The following DEFB4A variants were observed in gnomAD, a reference collection of about 807,000 sequenced individuals.
DEFB4A encodes beta defensin-2.
Position 7,895,104 on chromosome 8 carries a change from T to C in DEFB4A, c.58+334T>C, listed in dbSNP as rs1455014159. On this transcript the variant is annotated intron_variant, in intron 1 of 1. Coordinates refer to ENST00000302247, the MANE Select transcript of DEFB4A (RefSeq NM_004942.4). ...ATAGAAAAGGAGTTTGAGAACCCAA[T>C]GGACAACTCACTCGTTCTTCTAAGC... Among the ~76,000 whole-genome samples, 2 of 101,884 alleles carry C rather than the reference T, an allele frequency of 2.0e-5. 1 individual carries two copies. Among genetic ancestry groups the C allele is most frequent in the Non-Finnish European group, 4.2e-5 (2 of 47,626 alleles). 66.8% of individuals were successfully genotyped at this position (101,884 alleles called of 152,430 possible). A position where few individuals can be genotyped will look rare whatever the true frequency, so the allele number is the denominator to read the frequency against.
rs368974739 is a variant in DEFB4A at position 7,895,987 on chromosome 8, T to C, written c.59-487T>C. Among the ~76,000 whole-genome samples, 63 of 104,184 alleles carry C rather than the reference T, an allele frequency of 6.0e-4. 22 individuals are homozygous for C. The highest frequency in any genetic ancestry group is 4.3e-3 in the East Asian group (11 of 2,576). 68.3% of individuals were successfully genotyped at this position (104,184 alleles called of 152,430 possible). ...TGGTTTTCAACTGTAAGTTACTTGGTGTTAATTTCCTATTAAACAATTTCA... is the reference window on the plus strand; with the variant it reads ...TGGTTTTCAACTGTAAGTTACTTGGCGTTAATTTCCTATTAAACAATTTCA... On this transcript the variant is annotated intron_variant, in intron 1 of 1. Transcript: ENST00000302247.
Position 7,896,034 on chromosome 8 carries a change from C to T in DEFB4A, c.59-440C>T, listed in dbSNP as rs1585734766. Among the ~76,000 whole-genome samples, 2 of 103,038 alleles carry T rather than the reference C, an allele frequency of 1.9e-5. 1 individual carries two copies. Among genetic ancestry groups the T allele is most frequent in the East Asian group, 7.7e-4 (2 of 2,590 alleles). The allele number at this position is 103,038 out of a possible 152,430, so 67.6% of individuals were successfully genotyped here. On this transcript the variant is annotated intron_variant, in intron 1 of 1. Transcript: ENST00000302247. ...TTCAGTAAGTTGCATCTTTTTTATC[C>T]CATCTCAGATCAAATACTTAACAGA...
chr8:7,895,813 G>GGGAGGGAAGGAGGGAA (rs1818997157), intron 1 of DEFB4A, among the ~76,000 whole-genome samples: 1 of 42,916 alleles, frequency 2.3e-5, no homozygotes, highest in South Asian at 1.4e-3. Flanking sequence ...GGGGGAGGGA[G>GGGAGGGAAGGAGGGAA]GGAGGGAGGG....
rs576616631 is a variant in DEFB4A at position 7,896,167 on chromosome 8, G to A, written c.59-307G>A. ...GGTGGAGCTGAATTCACAAGAGATC[G>A]TTGCTGAGCTCCTGCCAGACCCCAC... On this transcript the variant is annotated intron_variant, in intron 1 of 1. Transcript: ENST00000302247. Among the ~76,000 whole-genome samples the A allele has an allele frequency of 7.0e-3, 708 of 101,866 alleles. 215 individuals carry two copies. Among genetic ancestry groups the A allele is most frequent in the Admixed American group, 8.1e-3 (84 of 10,428 alleles). 66.8% of individuals were successfully genotyped at this position (101,866 alleles called of 152,430 possible).
intron 1 of DEFB4A, among the ~76,000 whole-genome samples, chr8:7,895,242 A>G (rs1195370105): frequency 9.8e-6 from 1 of 101,868 alleles, no homozygotes; most frequent in Non-Finnish European, 2.1e-5. Context: ...TAAAAGGCAG[A>G]AATTTTGATT....
At chr8:7,895,824 AAGGAGGGAAGGAGGGAGGGAG>A (rs1818997718) in intron 1 of DEFB4A, among the ~76,000 whole-genome samples, 1 of 29,824 alleles carries the variant, frequency 3.4e-5, no homozygotes, top group African/African-American at 1.2e-4. Context: ...GGAGGGAGGG[AAGGAGGGAAGGAGGGAGGGAG>A]GGAGGGAAGG....
chr8:7,895,635 A>G (rs1818993975), intron 1 of DEFB4A, among the ~76,000 whole-genome samples: 2 of 72,732 alleles, frequency 2.7e-5, no homozygotes, highest in South Asian at 1.1e-3. Flanking sequence ...AATCTAATAG[A>G]TATCATCTTG....
chr8:7,895,873 G>A lies in DEFB4A; in HGVS notation c.59-601G>A, dbSNP rs1312719788. On this transcript the variant is annotated intron_variant, in intron 1 of 1. Transcript: ENST00000302247. ...AGGGAAGGAGGGAAGGAGGGAGGGAGGGAGGGAAACAAAAAGAAGAATGAG... is the reference window on the plus strand; with the variant it reads ...AGGGAAGGAGGGAAGGAGGGAGGGAAGGAGGGAAACAAAAAGAAGAATGAG... Among the ~76,000 whole-genome samples, 3 of 63,750 alleles carry A rather than the reference G, an allele frequency of 4.7e-5. 1 individual carries two copies. Among genetic ancestry groups the A allele is most frequent in the East Asian group, 1.4e-3 (2 of 1,386 alleles). The allele number at this position is 63,750 out of a possible 152,430, so 41.8% of individuals were successfully genotyped here. A position where few individuals can be genotyped will look rare whatever the true frequency, so the allele number is the denominator to read the frequency against.
In DEFB4A at chr8:7,895,931, C is replaced by T; in HGVS notation, c.59-543C>T. Among the ~76,000 whole-genome samples, 2 of 97,288 alleles carry T rather than the reference C, an allele frequency of 2.1e-5. 1 individual carries two copies. The allele number at this position is 97,288 out of a possible 152,430, so 63.8% of individuals were successfully genotyped here. ...CCAGGACTTAGATATTAGAAACAAG[C>T]CATTACAAAATTTATTTCTATGGTT... On this transcript the variant is annotated intron_variant, in intron 1 of 1. Transcript: ENST00000302247.
intron 1 of DEFB4A, among the ~76,000 whole-genome samples, 188 bp downstream of exon 1, chr8:7,894,958 TTC>T (rs1818983640): frequency 8.3e-6 from 1 of 120,424 alleles, no homozygotes; most frequent in Admixed American, 8.3e-5. Flanking sequence ...TTTTCTGTCT[TTC>T]TTTTTCCTCT....
rs1323503543 is a variant in DEFB4A at position 7,896,458 on chromosome 8, G to GT, written c.59-10dup. The GT allele has an allele frequency of 1.1e-4, 15 of 131,142 alleles. 5 individuals carry two copies. Among genetic ancestry groups the GT allele is most frequent in the African/African-American group, 3.1e-4 (5 of 15,940 alleles). 8.1% of individuals were successfully genotyped at this position (131,142 alleles called of 1,614,324 possible). On this transcript the variant is annotated splice_polypyrimidine_tract_variant and intron_variant, in intron 1 of 1. Transcript: ENST00000302247. ...TACACGCTGTTTGCTCTTTTTGTGT[G>GT]TTTTTTCCCTGTTAGGTGTTTTTGG...
In DEFB4A at chr8:7,896,167, G is replaced by T. The variant is rs576616631; in HGVS notation, c.59-307G>T. ...GGTGGAGCTGAATTCACAAGAGATC[G>T]TTGCTGAGCTCCTGCCAGACCCCAC... On this transcript the variant is annotated intron_variant, in intron 1 of 1. Transcript: ENST00000302247. Among the ~76,000 whole-genome samples the T allele has an allele frequency of 5.9e-5, 6 of 101,790 alleles. 2 individuals carry two copies. Among genetic ancestry groups the T allele is most frequent in the Admixed American group, 9.6e-5 (1 of 10,412 alleles). 66.8% of individuals were successfully genotyped at this position (101,790 alleles called of 152,430 possible). A position where few individuals can be genotyped will look rare whatever the true frequency, so the allele number is the denominator to read the frequency against.
At position 7,895,152 on chromosome 8, in the gene DEFB4A, T is replaced by C. The variant is rs191073627; in HGVS notation, c.58+382T>C. Among the ~76,000 whole-genome samples the C allele has an allele frequency of 5.1e-3, 515 of 101,506 alleles. 158 individuals are homozygous for C. The highest frequency in any genetic ancestry group is 0.011 in the Admixed American group (109 of 10,296). 66.6% of individuals were successfully genotyped at this position (101,506 alleles called of 152,430 possible). On this transcript the variant is annotated intron_variant, in intron 1 of 1. Coordinates refer to ENST00000302247, the MANE Select transcript of DEFB4A (RefSeq NM_004942.4). ...AGCCAATATGAAGGAGCCCAGTAGTTTGTAAATATCATCTCTTCACTGCTT... is the reference window on the plus strand; with the variant it reads ...AGCCAATATGAAGGAGCCCAGTAGTCTGTAAATATCATCTCTTCACTGCTT...
intron 1 of DEFB4A, among the ~76,000 whole-genome samples, chr8:7,895,775 A>G (rs1478940767): frequency 2.1e-5 from 1 of 47,938 alleles, no homozygotes; most frequent in African/African-American, 7.7e-5. Context: ...GCGGGGAGGC[A>G]GGGAGGCAGG....
chr8:7,895,221 G>C (rs1332592444), intron 1 of DEFB4A, among the ~76,000 whole-genome samples: 1 of 101,484 alleles, frequency 9.9e-6, no homozygotes, highest in East Asian at 4.0e-4. Context: ...CCTGTTAGGT[G>C]ACTTTTTAAA....
intron 1 of DEFB4A, among the ~76,000 whole-genome samples, chr8:7,895,895 T>A (rs1818999918): frequency 1.2e-5 from 1 of 82,848 alleles, no homozygotes; most frequent in South Asian, 5.7e-4. Context: ...AAAAGAAGAA[T>A]GAGGTTGAAA....
chr8:7,894,986 C>A (rs1156529773), intron 1 of DEFB4A, among the ~76,000 whole-genome samples: 7 of 108,840 alleles, frequency 6.4e-5, no homozygotes, highest in Admixed American at 5.4e-4. Context: ...TAGAGCATGT[C>A]TTTCTTTCTT....
intron 1 of DEFB4A, among the ~76,000 whole-genome samples, chr8:7,896,023 T>C (rs1819001842): frequency 9.6e-6 from 1 of 104,696 alleles, no homozygotes; most frequent in Non-Finnish European, 2.1e-5. Flanking sequence ...GTAAGTTGCA[T>C]CTTTTTTATC....
chr8:7,895,906 C>T lies in DEFB4A; in HGVS notation c.59-568C>T, dbSNP rs1347711944. On this transcript the variant is annotated intron_variant, in intron 1 of 1. Transcript: ENST00000302247. Reference sequence around the variant, plus strand: ...AACAAAAAGAAGAATGAGGTTGAAACCAGGACTTAGATATTAGAAACAAGC... The same window carrying T: ...AACAAAAAGAAGAATGAGGTTGAAATCAGGACTTAGATATTAGAAACAAGC... 3.3e-5 allele frequency among the ~76,000 whole-genome samples: 3 copies of T among 89,938 alleles called. 1 individual carries two copies. Among genetic ancestry groups the T allele is most frequent in the Non-Finnish European group, 7.2e-5 (3 of 41,822 alleles). 59.0% of individuals were successfully genotyped at this position (89,938 alleles called of 152,430 possible). A position where few individuals can be genotyped will look rare whatever the true frequency, so the allele number is the denominator to read the frequency against.
Sources: gnomAD v4.1 joint callset for allele counts (sites outside exome capture counted in the v4.1 genomes callset) on GRCh38, gnomAD v4.1.1 for gene constraint, MANE v1.5 for transcripts, NCBI Gene and HGNC (gene_info 2026-07-23, HGNC 2026-07-21) for gene names.